Variants in MBNL1 observed in about 807,000 individuals in gnomAD.
MBNL1 encodes the protein muscleblind-like protein 1.
MBNL1 carries 8 observed loss-of-function variants against 42.2 expected under a neutral mutation model. The ratio of observed to expected loss-of-function variants is 0.19; its 90% confidence interval spans 0.11 to 0.34. The LOEUF (loss-of-function observed/expected upper bound fraction) is 0.34. Ranked by LOEUF, MBNL1 falls within the 10% of genes least tolerant of loss-of-function variation. The pLI is 1.00. For synonymous variants in MBNL1, 169 were observed against 173.9 expected (o/e 0.97, Z 0.22); for missense variants, 309 against 495.3 (o/e 0.62, Z 3.57).
chr3:152,455,345 TCTTCA>T (rs1333416823), intron 6 of MBNL1, among the ~76,000 whole-genome samples, 192 bp from the exon 7 acceptor site: 2 of 152,374 alleles, frequency 1.3e-5, no homozygotes, highest in African/African-American at 4.8e-5. Flanking sequence ...TGGCTTTTAT[TCTTCA>T]CTTGAGACTA....
intron 1 of MBNL1, among the ~76,000 whole-genome samples, chr3:152,277,779 G>T (rs986891075): frequency 2.0e-5 from 3 of 151,848 alleles, no homozygotes; most frequent in Non-Finnish European, 4.4e-5. Context: ...AATATACAGA[G>T]AAAAATTCCC....
chr3:152,367,268 A>G (rs1458277090), intron 2 of MBNL1, among the ~76,000 whole-genome samples: 1 of 151,714 alleles, frequency 6.6e-6, no homozygotes, highest in African/African-American at 2.4e-5. Context: ...ATGAGTTAGA[A>G]CATGTGGTGT....
chr3:152,465,763 A>C lies in MBNL1; in HGVS notation c.*3397A>C. The stretch of plus-strand genomic sequence containing the variant: ...AATAAAGTGAAATTGCCCTAATAAA[A>C]CTTCTCTTTCTTAAGTATATTCGTG... On this transcript the variant is annotated 3_prime_UTR_variant, in exon 10 of 10. Coordinates refer to ENST00000324210, the MANE Select transcript of MBNL1 (RefSeq NM_021038.5). 1 of 152,352 alleles carries C rather than the reference A, an allele frequency of 6.6e-6. No individual in the cohort carries two copies. 9.4% of individuals were successfully genotyped at this position (152,352 alleles called of 1,614,324 possible). A position where few individuals can be genotyped will look rare whatever the true frequency, so the allele number is the denominator to read the frequency against.
At chr3:152,351,962 T>C (rs996237274) in intron 2 of MBNL1, among the ~76,000 whole-genome samples, 17 of 152,070 alleles carry the variant, frequency 1.1e-4, no homozygotes, top group African/African-American at 4.1e-4. Context: ...CTAATCCACT[T>C]TATTTATTTT....
chr3:152,305,129 G>A (rs1186275210), intron 2 of MBNL1, among the ~76,000 whole-genome samples: 2 of 152,168 alleles, frequency 1.3e-5, no homozygotes, highest in Non-Finnish European at 2.9e-5. Context: ...TAATTCAGAT[G>A]TCTGAAGCTA....
At chr3:152,284,329 T>C (rs921051689) in intron 1 of MBNL1, among the ~76,000 whole-genome samples, 1 of 152,076 alleles carries the variant, frequency 6.6e-6, no homozygotes, top group Non-Finnish European at 1.5e-5. Flanking sequence ...GAACCAAGAT[T>C]ATAATTTTTT....
At chr3:152,361,432 C>G (rs950835830) in intron 2 of MBNL1, among the ~76,000 whole-genome samples, 1 of 146,244 alleles carries the variant, frequency 6.8e-6, no homozygotes, top group African/African-American at 2.5e-5. Flanking sequence ...GATAAAGAGA[C>G]AGAAGACATA....
At chr3:152,301,804 T>A (rs1330797871) in intron 2 of MBNL1, 2 of 152,162 alleles carry the variant, frequency 1.3e-5, no homozygotes, top group Non-Finnish European at 2.9e-5. Context: ...AATTAGAGAC[T>A]GAGACCCATA....
At chr3:152,381,096 A>T (rs1390805825) in intron 2 of MBNL1, among the ~76,000 whole-genome samples, 2 of 152,088 alleles carry the variant, frequency 1.3e-5, no homozygotes, top group Non-Finnish European at 2.9e-5. Flanking sequence ...CTAAGATTTT[A>T]TAATAGATGT....
At chr3:152,422,835 T>C (rs1318325117) in intron 3 of MBNL1, among the ~76,000 whole-genome samples, 5 of 152,196 alleles carry the variant, frequency 3.3e-5, no homozygotes, top group Non-Finnish European at 7.3e-5. Context: ...AACAACCTGC[T>C]CCTGAATGAC....
At chr3:152,272,788 G>T (rs1456988021) in intron 1 of MBNL1, among the ~76,000 whole-genome samples, 1 of 152,122 alleles carries the variant, frequency 6.6e-6, no homozygotes, top group Non-Finnish European at 1.5e-5. Context: ...TCTTGAGAAG[G>T]CATCTGACTG....
chr3:152,300,020 T>G lies in MBNL1; in HGVS notation c.-174T>G. On this transcript the variant is annotated 5_prime_UTR_variant, in exon 2 of 10. Coordinates refer to ENST00000324210, the MANE Select transcript of MBNL1 (RefSeq NM_021038.5). ...GAATTTCTAGTGGGAGATCTTTTCC[T>G]TGATATTGACGACACAATTTTCCAT... The G allele has an allele frequency of 1.9e-6, 1 of 528,646 alleles. No individual in the cohort carries two copies. The highest frequency in any genetic ancestry group is 3.7e-5 in the Admixed American group (1 of 27,048). The allele number at this position is 528,646 out of a possible 1,614,324, so 32.7% of individuals were successfully genotyped here. A position where few individuals can be genotyped will look rare whatever the true frequency, so the allele number is the denominator to read the frequency against.
chr3:152,303,437 G>A (rs2061569723), intron 2 of MBNL1, among the ~76,000 whole-genome samples: 2 of 152,108 alleles, frequency 1.3e-5, no homozygotes, highest in South Asian at 4.1e-4. Flanking sequence ...TTGCTTACGT[G>A]CTATAGATTT....
rs998188735 is a variant in MBNL1 at position 152,331,823 on chromosome 3, T to G, written c.174+31456T>G. ...CTTCAGTCTCAGCCTCCCAAGTAGC[T>G]GGGATTACAGCCTCCCCACTACCAC... is the stretch of plus-strand genomic sequence containing the variant. On this transcript the variant is annotated intron_variant, in intron 2 of 9. Coordinates refer to ENST00000324210, the MANE Select transcript of MBNL1 (RefSeq NM_021038.5). Among the ~76,000 whole-genome samples the G allele has an allele frequency of 2.0e-5, 3 of 152,096 alleles. No individual in the cohort carries two copies. The East Asian group carries it at 5.8e-4, about 29-fold the overall frequency.
intron 3 of MBNL1, among the ~76,000 whole-genome samples, chr3:152,416,957 TTA>T (rs779773359): frequency 2.0e-5 from 3 of 152,200 alleles, no homozygotes; most frequent in Non-Finnish European, 4.4e-5. Flanking sequence ...TATTCAGGCT[TTA>T]TGTTAATTTT....
chr3:152,274,257 T>C (rs2043587289), intron 1 of MBNL1, among the ~76,000 whole-genome samples: 1 of 152,184 alleles, frequency 6.6e-6, no homozygotes, highest in Non-Finnish European at 1.5e-5. Context: ...AAGCATTACG[T>C]TGCTGACTTG....
At chr3:152,385,233 C>T (rs190795718) in intron 2 of MBNL1, among the ~76,000 whole-genome samples, 1 of 152,028 alleles carries the variant, frequency 6.6e-6, no homozygotes, top group African/African-American at 2.4e-5. Flanking sequence ...GTATTGAGGC[C>T]TCTCTTACAT....
chr3:152,349,925 G>C (rs1000191435), intron 2 of MBNL1, among the ~76,000 whole-genome samples: 4 of 152,070 alleles, frequency 2.6e-5, no homozygotes, highest in African/African-American at 9.7e-5. Context: ...TGTTAAAATT[G>C]ATGTTTTCTC....
chr3:152,285,906 G>A (rs1577135176), intron 1 of MBNL1, among the ~76,000 whole-genome samples: 2 of 151,538 alleles, frequency 1.3e-5, no homozygotes, highest in South Asian at 2.1e-4. Context: ...TTATAGGTAT[G>A]AGCCACTGTG....
Sources: gnomAD v4.1 joint callset for allele counts (sites outside exome capture counted in the v4.1 genomes callset) on GRCh38, gnomAD v4.1.1 for gene constraint, MANE v1.5 for transcripts, NCBI Gene and HGNC (gene_info 2026-07-23, HGNC 2026-07-21) for gene names.